SRGAP3: variants seen among roughly 807,000 people sequenced by gnomAD.
The protein encoded by SRGAP3 is SLIT-ROBO Rho GTPase-activating protein 3.
SRGAP3 carries 39 observed loss-of-function variants against 121.1 expected under a neutral mutation model. That is an observed-to-expected ratio of 0.32 (90% confidence interval 0.25 to 0.42). The LOEUF is 0.42. Ranked by LOEUF, SRGAP3 falls within the 10% of genes least tolerant of loss-of-function variation. The probability of loss-of-function intolerance (pLI) is 1.00; values close to 1 mark genes in which losing one functional copy is unlikely to be tolerated. For synonymous variants in SRGAP3, 601 were observed against 570.0 expected (o/e 1.05, Z -0.77); for missense variants, 1,213 against 1,470.6 (o/e 0.82, Z 2.86).
chr3:9,228,389 CACTGGCCA>C (rs1953070975), intron 1 of SRGAP3, among the ~76,000 whole-genome samples: 1 of 152,326 alleles, frequency 6.6e-6, no homozygotes, highest in Middle Eastern at 3.4e-3. Context: ...GTAAATGCAC[CACTGGCCA>C]ATGCTAGCAA....
chr3:9,334,512 T>A (rs1037355253), intron 1 of SRGAP3, among the ~76,000 whole-genome samples: 4 of 152,166 alleles, frequency 2.6e-5, no homozygotes, highest in African/African-American at 4.8e-5. Context: ...GAAACATCAA[T>A]GGATACTATG....
chr3:9,287,585 T>C (rs1182454607), intron 3 of SRGAP3, among the ~76,000 whole-genome samples: 1 of 152,162 alleles, frequency 6.6e-6, no homozygotes, highest in Non-Finnish European at 1.5e-5. Context: ...AGTGAAATAA[T>C]AGGCAGTGGA....
upstream of SRGAP3, among the ~76,000 whole-genome samples, chr3:9,251,004 T>C (rs917505774): frequency 1.3e-5 from 2 of 152,270 alleles, no homozygotes; most frequent in African/African-American, 2.4e-5. Flanking sequence ...GGTATAGTCT[T>C]CCATTTGCCT....
At chr3:9,178,130 T>A (rs560409055) in intron 1 of SRGAP3, among the ~76,000 whole-genome samples, 1 of 152,152 alleles carries the variant, frequency 6.6e-6, no homozygotes, top group East Asian at 1.9e-4. Context: ...AAGCAGGGCA[T>A]GGTGGCGCAT....
intron 19 of SRGAP3, among the ~76,000 whole-genome samples, chr3:8,993,623 AG>A (rs1261412377): frequency 1.4e-4 from 21 of 152,160 alleles, no homozygotes; most frequent in Admixed American, 3.9e-4. Context: ...GAGGCTGCCA[AG>A]GGCCCTCCAC....
chr3:9,157,243 A>T (rs752901717), intron 1 of SRGAP3, among the ~76,000 whole-genome samples: 3 of 152,170 alleles, frequency 2.0e-5, no homozygotes, highest in Non-Finnish European at 4.4e-5. Context: ...ACGTCTTCAC[A>T]TGGTGGCAGC....
chr3:9,323,522 C>T (rs1575004183), intron 3 of SRGAP3, among the ~76,000 whole-genome samples: 1 of 151,742 alleles, frequency 6.6e-6, no homozygotes, highest in East Asian at 1.9e-4. Flanking sequence ...CAGAACATCT[C>T]GAAGGCCTAG....
chr3:9,223,064 C>T (rs779259073), intron 1 of SRGAP3, among the ~76,000 whole-genome samples: 3 of 152,216 alleles, frequency 2.0e-5, no homozygotes, highest in African/African-American at 4.8e-5. Flanking sequence ...AAAGAATCAT[C>T]TCCCAAAAAG....
chr3:9,023,084 A>G (rs912958296), intron 14 of SRGAP3, among the ~76,000 whole-genome samples: 10 of 151,932 alleles, frequency 6.6e-5, no homozygotes, highest in African/African-American at 2.4e-4. Context: ...CAACAAGGTT[A>G]CATACAGAAT....
At chr3:9,079,961 C>T in intron 4 of SRGAP3, 64 bp downstream of exon 4, 5 of 1,588,800 alleles carry the variant, frequency 3.1e-6, no homozygotes, top group Non-Finnish European at 3.4e-6. Flanking sequence ...TTGCTTCCCT[C>T]CAGCTCTGGT....
At chr3:9,087,707 T>G (rs1453774071) in intron 3 of SRGAP3, among the ~76,000 whole-genome samples, 2 of 152,074 alleles carry the variant, frequency 1.3e-5, no homozygotes, top group Admixed American at 6.6e-5. Flanking sequence ...CAGAGGCGGA[T>G]AGAGTACAGG....
intron 1 of SRGAP3, among the ~76,000 whole-genome samples, chr3:9,169,953 C>G (rs1950917646): frequency 6.6e-6 from 1 of 152,162 alleles, no homozygotes; most frequent in African/African-American, 2.4e-5. Flanking sequence ...ATGAAGGGGG[C>G]TGGGTTGGAG....
chr3:9,329,371 G>C (rs1036507594), intron 2 of SRGAP3, among the ~76,000 whole-genome samples: 4 of 151,772 alleles, frequency 2.6e-5, no homozygotes, highest in African/African-American at 7.3e-5. Flanking sequence ...CATCACACTG[G>C]GGGCCAAGCT....
At chr3:9,077,080 T>C (rs1183271796) in intron 4 of SRGAP3, among the ~76,000 whole-genome samples, 1 of 152,080 alleles carries the variant, frequency 6.6e-6, no homozygotes, top group African/African-American at 2.4e-5. Flanking sequence ...GTCATTTACA[T>C]TAGGTATATC....
intron 3 of SRGAP3, among the ~76,000 whole-genome samples, chr3:9,281,295 G>A (rs1400237729): frequency 6.6e-6 from 1 of 152,200 alleles, no homozygotes; most frequent in Non-Finnish European, 1.5e-5. Context: ...TGCATACAGG[G>A]CTGAGGACTT....
At chr3:9,163,422 G>A (rs555016732) in intron 1 of SRGAP3, among the ~76,000 whole-genome samples, 5 of 152,286 alleles carry the variant, frequency 3.3e-5, no homozygotes, top group African/African-American at 9.6e-5. Flanking sequence ...TCCCTTCACC[G>A]GCCTGACATT....
intron 1 of SRGAP3, among the ~76,000 whole-genome samples, chr3:9,233,782 C>T (rs1045358009): frequency 5.3e-5 from 8 of 152,214 alleles, no homozygotes; most frequent in Non-Finnish European, 1.2e-4. Flanking sequence ...CTGCACCACT[C>T]CTTCCATAAC....
At chr3:9,194,953 G>A (rs548639160) in intron 1 of SRGAP3, among the ~76,000 whole-genome samples, 2 of 152,326 alleles carry the variant, frequency 1.3e-5, no homozygotes, top group South Asian at 2.1e-4. Flanking sequence ...ACACCCAGCT[G>A]ATGAGGGAGA....
intron 18 of SRGAP3, among the ~76,000 whole-genome samples, chr3:9,003,029 T>C (rs554409467): frequency 6.6e-6 from 1 of 152,300 alleles, no homozygotes; most frequent in Non-Finnish European, 1.5e-5. Flanking sequence ...TAATAATTCC[T>C]TATAAAGTCT....
Sources: gnomAD v4.1 joint callset for allele counts (sites outside exome capture counted in the v4.1 genomes callset) on GRCh38, gnomAD v4.1.1 for gene constraint, MANE v1.5 for transcripts, NCBI Gene and HGNC (gene_info 2026-07-23, HGNC 2026-07-21) for gene names.